ZNF423: variants seen among roughly 807,000 people sequenced by gnomAD.
The protein encoded by ZNF423 is Ebf-associated zinc finger protein.
Under a neutral mutation model 95.8 loss-of-function variants are expected in ZNF423, and 12 were observed. The ratio of observed to expected loss-of-function variants is 0.13; its 90% CI spans 0.08 to 0.20. The LOEUF (loss-of-function observed/expected upper bound fraction) is 0.20, where lower values mean the gene tolerates loss of function less well. ZNF423 is among the 10% of genes least tolerant of loss of function. The pLI is 1.00. For synonymous variants in ZNF423, 749 were observed against 711.9 expected (o/e 1.05, Z -0.83); for missense variants, 1,316 against 1,737.1 (o/e 0.76, Z 4.31).
intron 5 of ZNF423, among the ~76,000 whole-genome samples, chr16:49,543,052 G>A (rs1969308142): frequency 6.6e-6 from 1 of 152,126 alleles, no homozygotes; most frequent in South Asian, 2.1e-4. Flanking sequence ...TCCAATATTT[G>A]TATTTTGAAT....
At chr16:49,735,725 A>T (rs752894) in intron 2 of ZNF423, among the ~76,000 whole-genome samples, 1 of 151,894 alleles carries the variant, frequency 6.6e-6, no homozygotes, top group Non-Finnish European at 1.5e-5. Flanking sequence ...GAGAGAGAGC[A>T]CATAGGGGCT....
At chr16:49,581,134 G>A (rs571659487) in intron 5 of ZNF423, among the ~76,000 whole-genome samples, 20 of 151,504 alleles carry the variant, frequency 1.3e-4, no homozygotes, top group Non-Finnish European at 2.9e-4. Flanking sequence ...GGGGAAGAGA[G>A]GCGGTATGTT....
intron 3 of ZNF423, among the ~76,000 whole-genome samples, chr16:49,659,811 C>T (rs566881738): frequency 2.0e-5 from 3 of 152,322 alleles, no homozygotes; most frequent in East Asian, 1.9e-4. Flanking sequence ...CTCAGGCTGA[C>T]GGCACCCCTG....
At chr16:49,550,167 C>G (rs1402281058) in intron 5 of ZNF423, among the ~76,000 whole-genome samples, 1 of 152,174 alleles carries the variant, frequency 6.6e-6, no homozygotes, top group African/African-American at 2.4e-5. Context: ...TGAGCCCAGC[C>G]TCAAATTGTT....
chr16:49,783,029 G>A (rs941115689), intron 2 of ZNF423, among the ~76,000 whole-genome samples: 1 of 151,976 alleles, frequency 6.6e-6, no homozygotes, highest in Non-Finnish European at 1.5e-5. Context: ...AGGGAAAGAG[G>A]AGGTAAATTT....
intron 3 of ZNF423, among the ~76,000 whole-genome samples, chr16:49,661,266 G>A (rs1039365886): frequency 6.6e-6 from 1 of 151,872 alleles, no homozygotes; most frequent in Non-Finnish European, 1.5e-5. Context: ...TTTGGGGTGG[G>A]AGTCTCCATA....
At chr16:49,654,486 T>C (rs879512547) in intron 3 of ZNF423, among the ~76,000 whole-genome samples, 5 of 152,210 alleles carry the variant, frequency 3.3e-5, no homozygotes, top group Admixed American at 1.3e-4. Context: ...TGCAGGGTTG[T>C]AGGGAGCTTT....
chr16:49,553,969 G>C (rs978403003), intron 5 of ZNF423, among the ~76,000 whole-genome samples: 1 of 152,152 alleles, frequency 6.6e-6, no homozygotes, highest in Non-Finnish European at 1.5e-5. Flanking sequence ...AATGCCTCCA[G>C]CCCAACACAG....
intron 3 of ZNF423, among the ~76,000 whole-genome samples, chr16:49,658,383 G>T (rs1248628667): frequency 6.6e-6 from 1 of 152,260 alleles, no homozygotes; most frequent in Non-Finnish European, 1.5e-5. Flanking sequence ...GCATTTTCAA[G>T]GATGTGCTGG....
intron 1 of ZNF423, chr16:49,854,894 A>G (rs960674465): frequency 1.0e-6 from 1 of 985,100 alleles, no homozygotes; most frequent in African/African-American, 1.7e-5. Context: ...CAGCACAGAA[A>G]GCCGGCCTGG....
chr16:49,684,540 C>G lies in ZNF423; in HGVS notation c.302-45666G>C, dbSNP rs11860193. 6.8e-3 allele frequency among the ~76,000 whole-genome samples: 1,038 copies of G among 152,302 alleles called. 13 individuals carry two copies. Among genetic ancestry groups the G allele is most frequent in the African/African-American group, 0.024 (978 of 41,570 alleles). The stretch of plus-strand genomic sequence containing the variant: ...AAACCTCCCCATGGTCTGCCCAGAC[C>G]TGGTCATGCCTCTGTTAAAAGTCTG... On this transcript the variant is annotated intron_variant, in intron 3 of 7. Coordinates refer to ENST00000563137, the MANE Select transcript of ZNF423 (RefSeq NM_001379286.1).
intron 5 of ZNF423, among the ~76,000 whole-genome samples, chr16:49,561,050 C>G (rs1970002034): frequency 6.6e-6 from 1 of 152,136 alleles, no homozygotes; most frequent in Non-Finnish European, 1.5e-5. Flanking sequence ...GCATTTATGT[C>G]TCCTTTCTTT....
At chr16:49,770,552 A>G (rs920945562) in intron 2 of ZNF423, among the ~76,000 whole-genome samples, 12 of 152,100 alleles carry the variant, frequency 7.9e-5, no homozygotes, top group African/African-American at 2.9e-4. Context: ...AGGGCAGGAT[A>G]GGGGTTCATG....
chr16:49,604,705 A>C (rs9922046), intron 5 of ZNF423, among the ~76,000 whole-genome samples: 3 of 151,828 alleles, frequency 2.0e-5, no homozygotes, highest in African/African-American at 7.3e-5. Context: ...CCATCTGGTC[A>C]TGCAACCTGA....
intron 3 of ZNF423, among the ~76,000 whole-genome samples, chr16:49,702,242 A>G (rs1024053104): frequency 6.6e-6 from 1 of 152,136 alleles, no homozygotes; most frequent in Non-Finnish European, 1.5e-5. Context: ...GCCTTTGGAG[A>G]CGCTCACACT....
chr16:49,793,320 C>T (rs926960480), intron 1 of ZNF423, among the ~76,000 whole-genome samples: 1 of 152,132 alleles, frequency 6.6e-6, no homozygotes, highest in African/African-American at 2.4e-5. Context: ...GGGGCCCAAG[C>T]AGCGAGCCCC....
intron 3 of ZNF423, among the ~76,000 whole-genome samples, chr16:49,719,007 A>ATTCCTATCC (rs2032788517): frequency 6.6e-6 from 1 of 152,260 alleles, no homozygotes; most frequent in Admixed American, 6.5e-5. Flanking sequence ...GCTGGAGGCT[A>ATTCCTATCC]TTCCTATCCT....
intron 2 of ZNF423, among the ~76,000 whole-genome samples, chr16:49,770,780 G>A (rs1045782012): frequency 4.6e-5 from 7 of 152,322 alleles, no homozygotes; most frequent in South Asian, 2.1e-4. Context: ...ACCCACCAAC[G>A]TGGCTCTCCC....
chr16:49,765,063 C>T (rs929218637), intron 2 of ZNF423, among the ~76,000 whole-genome samples: 1 of 152,030 alleles, frequency 6.6e-6, no homozygotes, highest in African/African-American at 2.4e-5. Flanking sequence ...GTGCCTCCAC[C>T]TCTTTTCTTC....
Sources: gnomAD v4.1 joint callset for allele counts (sites outside exome capture counted in the v4.1 genomes callset) on GRCh38, gnomAD v4.1.1 for gene constraint, MANE v1.5 for transcripts, NCBI Gene and HGNC (gene_info 2026-07-23, HGNC 2026-07-21) for gene names.